VWA8: variants seen among roughly 807,000 people sequenced by gnomAD.
VWA8 encodes the protein von Willebrand factor A domain-containing protein 8.
In VWA8, 221 loss-of-function variants were observed where a neutral mutation model predicts 241.5. The observed-to-expected ratio is 0.91, with a 90% CI of 0.82 to 1.02. VWA8 has a LOEUF of 1.02. Ranked by LOEUF, VWA8 falls within the 50% of genes least tolerant of loss-of-function variation. The pLI is 0.00. For missense variants in VWA8, 2,322 were observed against 2,328.7 expected (o/e 1.00, Z 0.06); for synonymous variants, 852 against 827.1 (o/e 1.03, Z -0.52).
At position 41,783,981 on chromosome 13, in the gene VWA8, A is replaced by G. The variant is rs1052354611; in HGVS notation, c.2171-80T>C. 6 of 957,658 alleles carry G rather than the reference A, an allele frequency of 6.3e-6. No homozygotes were observed. The African/African-American group carries it at 6.6e-5, about 10-fold the overall frequency. The allele number at this position is 957,658 out of a possible 1,614,324, so 59.3% of individuals were successfully genotyped here. A position where few individuals can be genotyped will look rare whatever the true frequency, so the allele number is the denominator to read the frequency against. On this transcript the variant is annotated intron_variant, in intron 18 of 44. Coordinates refer to ENST00000379310, the MANE Select transcript of VWA8 (RefSeq NM_015058.2). Reference sequence around the variant, plus strand: ...CAAGCCACCCAACACAGAATGCAATACAGCTTCAGTAATATCTGTGGATTT... The same window carrying G: ...CAAGCCACCCAACACAGAATGCAATGCAGCTTCAGTAATATCTGTGGATTT...
rs552391767 is a variant in VWA8, at chr13:41,571,666, C to A, written c.5371-960G>T. On this transcript the variant is annotated intron_variant, in intron 43 of 44. Coordinates refer to ENST00000379310, the MANE Select transcript of VWA8 (RefSeq NM_015058.2). ...CACTCAGTGCTCAACATTGCCCAGG[C>A]TGGAGTGCAGTGGCGTGATCTCGGC... Among the ~76,000 whole-genome samples, 128 of 152,350 alleles carry A rather than the reference C, an allele frequency of 8.4e-4. 1 individual carries two copies. Among genetic ancestry groups the A allele is most frequent in the Admixed American group, 2.5e-3 (38 of 15,306 alleles).
At chr13:41,604,048 C>A (rs1468963652) in intron 40 of VWA8, among the ~76,000 whole-genome samples, 1 of 152,022 alleles carries the variant, frequency 6.6e-6, no homozygotes, top group East Asian at 1.9e-4. Flanking sequence ...ATCACTGAAC[C>A]ATACTCATTC....
At chr13:41,604,502 G>A (rs1005919388) in intron 40 of VWA8, among the ~76,000 whole-genome samples, 2 of 151,828 alleles carry the variant, frequency 1.3e-5, no homozygotes, top group African/African-American at 2.4e-5. Context: ...GATTAAAAAC[G>A]GCATCACAGA....
rs1404412727 is a variant in VWA8, at chr13:41,826,306, AAAG to A, written c.1700+4220_1700+4222del. Among the ~76,000 whole-genome samples, 21 of 152,348 alleles carry A rather than the reference AAAG, an allele frequency of 1.4e-4. No individual in the cohort carries two copies. In the East Asian group the frequency reaches 4.0e-3, roughly 29 times the overall value. On this transcript the variant is annotated intron_variant, in intron 14 of 44. Transcript: ENST00000379310. Reference sequence around the variant, plus strand: ...CAACTGTTAGAAATATTCAGACAACAAAGAAGAATCATTGTTAGGACATCTCAC... The same window carrying A: ...CAACTGTTAGAAATATTCAGACAACAAAGAATCATTGTTAGGACATCTCAC...
intron 17 of VWA8, among the ~76,000 whole-genome samples, chr13:41,799,632 A>C (rs917339704): frequency 6.6e-6 from 1 of 152,146 alleles, no homozygotes; most frequent in Admixed American, 6.5e-5. Context: ...GTTGTCCCCA[A>C]ACAGATATTA....
At chr13:41,572,222 T>TG (rs879350194) in intron 43 of VWA8, among the ~76,000 whole-genome samples, 19 of 150,440 alleles carry the variant, frequency 1.3e-4, no homozygotes, top group Non-Finnish European at 2.5e-4. Context: ...GGGAGGGAGG[T>TG]GGGGGGCGCC....
intron 43 of VWA8, among the ~76,000 whole-genome samples, chr13:41,574,601 G>A (rs1313956780): frequency 2.0e-5 from 3 of 152,112 alleles, no homozygotes; most frequent in Non-Finnish European, 4.4e-5. Context: ...CCAAAAAAGA[G>A]CCCAGATAGC....
rs1009035637 is a variant in VWA8 at position 41,908,918 on chromosome 13, T to G, written c.373-1222A>C. Among the ~76,000 whole-genome samples, 7 of 152,244 alleles carry G rather than the reference T, an allele frequency of 4.6e-5. No individual in the cohort carries two copies. The East Asian group carries it at 1.3e-3, about 29-fold the overall frequency. ...TGCCATTAATGGCAAAAAGGGATACTGCCATACAAGGGGATTTTTTCTCCA... is the reference window on the plus strand; with the variant it reads ...TGCCATTAATGGCAAAAAGGGATACGGCCATACAAGGGGATTTTTTCTCCA... On this transcript the variant is annotated intron_variant, in intron 3 of 44. Transcript: ENST00000379310.
chr13:41,575,751 C>T lies in VWA8; in HGVS notation c.5359G>A (p.Glu1787Lys), dbSNP rs1201359539. The change falls in exon 43 of 45, where the codon GAA becomes AAA. Residue 1787 changes from glutamate to lysine, a missense_variant. Glu to Lys is a moderately conservative substitution (Grantham distance 56). Transcript: ENST00000379310. ...KIPKDNKQRL[E>K]ILKTMHAHSQ... ...TAAAATATATTTACCTTCAGAATTT[C>T]TAGTCTTTGCTTATTGTCCTTGGGG... 6.2e-7 allele frequency: 1 copy of T among 1,611,870 alleles called. No individual in the cohort carries two copies. Among genetic ancestry groups the T allele is most frequent in the Non-Finnish European group, 8.5e-7 (1 of 1,178,868 alleles).
At chr13:41,895,831 C>CTTTTTTTTTTTT (rs59080554) in intron 4 of VWA8, among the ~76,000 whole-genome samples, 294 of 129,700 alleles carry the variant, frequency 2.3e-3, no homozygotes, top group East Asian at 4.6e-3. Context: ...TGCAAATTTT[C>CTTTTTTTTTTTT]TTTTTTTTTT....
chr13:41,814,625 GT>G (rs758822623), intron 16 of VWA8, among the ~76,000 whole-genome samples: 5 of 152,154 alleles, frequency 3.3e-5, no homozygotes, highest in Non-Finnish European at 7.4e-5. Context: ...TCCCTTAACG[GT>G]TTTAAACAAG....
intron 20 of VWA8, among the ~76,000 whole-genome samples, chr13:41,776,181 G>C (rs1266370002): frequency 6.6e-6 from 1 of 152,152 alleles, no homozygotes; most frequent in East Asian, 1.9e-4. Context: ...CTCCATGCTG[G>C]TCTGCCGCTG....
intron 4 of VWA8, among the ~76,000 whole-genome samples, chr13:41,892,809 C>CTCA (rs775554577): frequency 1.2e-4 from 19 of 152,140 alleles, no homozygotes; most frequent in Middle Eastern, 3.2e-3. Flanking sequence ...GTTTCTTGAA[C>CTCA]TCATCCCTTT....
At chr13:41,622,047 T>C (rs1246467731) in intron 37 of VWA8, among the ~76,000 whole-genome samples, 1 of 152,172 alleles carries the variant, frequency 6.6e-6, no homozygotes, top group Admixed American at 6.6e-5. Flanking sequence ...GGATGTTTAA[T>C]TAGAAGGAAG....
At chr13:41,732,902 G>A (rs1405142580) in intron 21 of VWA8, among the ~76,000 whole-genome samples, 1 of 152,214 alleles carries the variant, frequency 6.6e-6, no homozygotes, top group Non-Finnish European at 1.5e-5. Context: ...CAGGTGATAT[G>A]TAGGGTCAGA....
chr13:41,670,812 T>C lies in VWA8; in HGVS notation c.4611+134A>G, dbSNP rs2137798625. On this transcript the variant is annotated intron_variant, in intron 37 of 44. Coordinates refer to ENST00000379310, the MANE Select transcript of VWA8 (RefSeq NM_015058.2). ...TTTGTTTTTGTCTTTTTATTTTGTATCTAAAAATTCTTTTAGTTCTTTAAG... is the reference window on the plus strand; with the variant it reads ...TTTGTTTTTGTCTTTTTATTTTGTACCTAAAAATTCTTTTAGTTCTTTAAG... 4.1e-6 allele frequency: 4 copies of C among 966,446 alleles called. No homozygotes were observed. In the East Asian group the frequency reaches 7.9e-5, roughly 19 times the overall value. The allele number at this position is 966,446 out of a possible 1,614,324, so 59.9% of individuals were successfully genotyped here.
chr13:41,682,849 T>C (rs553611334), intron 35 of VWA8, among the ~76,000 whole-genome samples: 306 of 152,260 alleles, frequency 2.0e-3, no homozygotes, highest in African/African-American at 7.2e-3. Flanking sequence ...TTAAAGAAGA[T>C]ACACATAAAA....
intron 37 of VWA8, among the ~76,000 whole-genome samples, chr13:41,634,708 G>GAAAAAA (rs34688799): frequency 0.033 from 4,750 of 144,656 alleles, 244 homozygotes; most frequent in African/African-American, 0.11. Flanking sequence ...TCTTCAAAGT[G>GAAAAAA]AAAAAAAAAA....
intron 21 of VWA8, among the ~76,000 whole-genome samples, chr13:41,747,841 A>T (rs1340139818): frequency 1.3e-5 from 2 of 152,224 alleles, no homozygotes; most frequent in African/African-American, 4.8e-5. Context: ...CCTTTTCTGC[A>T]TCTATTGAGA....
Sources: gnomAD v4.1 joint callset for allele counts (sites outside exome capture counted in the v4.1 genomes callset) on GRCh38, gnomAD v4.1.1 for gene constraint, MANE v1.5 for transcripts, NCBI Gene and HGNC (gene_info 2026-07-23, HGNC 2026-07-21) for gene names.